The following TMEM50B variants were observed in gnomAD, a reference collection of about 807,000 sequenced individuals.
TMEM50B encodes the protein transmembrane protein 50B, also known as HCV p7-trans-regulated protein 3.
TMEM50B carries 14 observed loss-of-function variants against 23.4 expected under a neutral mutation model. That is an observed-to-expected ratio of 0.60 (90% CI 0.39 to 0.93). The LOEUF (loss-of-function observed/expected upper bound fraction) is 0.93, where lower values mean the gene tolerates loss of function less well. TMEM50B is among the 40% of genes least tolerant of loss of function. TMEM50B has a pLI of 0.00. For missense variants in TMEM50B, 159 were observed against 193.0 expected (o/e 0.82, Z 1.04); for synonymous variants, 64 against 62.3 (o/e 1.03, Z -0.13).
intron 2 of TMEM50B, among the ~76,000 whole-genome samples, chr21:33,467,605 A>C (rs2008437): frequency 0.76 from 115,403 of 151,836 alleles, 44,110 homozygotes; most frequent in Middle Eastern, 0.8. Context: ...GCCTGGACGA[A>C]AGAACGAGAC....
chr21:33,452,761 T>C (rs1398797169), intron 6 of TMEM50B, among the ~76,000 whole-genome samples: 3 of 152,194 alleles, frequency 2.0e-5, no homozygotes, highest in Non-Finnish European at 1.5e-5. Context: ...CAACAAATTG[T>C]ATGCAAAGCA....
In TMEM50B at chr21:33,450,750, A is replaced by T; in HGVS notation, c.*68T>A. 4.0e-6 allele frequency: 5 copies of T among 1,265,346 alleles called. No individual in the cohort carries two copies. Among genetic ancestry groups the T allele is most frequent in the Non-Finnish European group, 5.7e-6 (5 of 877,260 alleles). The allele number at this position is 1,265,346 out of a possible 1,614,324, so 78.4% of individuals were successfully genotyped here. ...CAATCTACTCCATTTGGCAATGTGTACTGAGAGATAAAAAACCTATCTACA... is the reference window on the plus strand; with the variant it reads ...CAATCTACTCCATTTGGCAATGTGTTCTGAGAGATAAAAAACCTATCTACA... On this transcript the variant is annotated 3_prime_UTR_variant, in exon 7 of 7. Transcript: ENST00000542230.
At chr21:33,446,135 A>C (rs2084050706), downstream of TMEM50B, among the ~76,000 whole-genome samples, 2 of 151,902 alleles carry the variant, frequency 1.3e-5, no homozygotes, top group Non-Finnish European at 2.9e-5. Context: ...CCACACCTAA[A>C]CATTTTCCTC....
rs748024045 is a variant in TMEM50B, at chr21:33,467,093, A to G, written c.129T>C (p.Asp43=). The G allele has an allele frequency of 6.2e-7, 1 of 1,614,216 alleles. No individual in the cohort carries two copies. The highest frequency in any genetic ancestry group is 1.1e-5 in the South Asian group (1 of 91,086). The change falls in exon 3 of 7, where the codon GAT becomes GAC. Residue 43 remains aspartate (D), a synonymous_variant. Coordinates refer to ENST00000542230, the MANE Select transcript of TMEM50B (RefSeq NM_006134.7). ...LFFTGWWIMI[D]AAVVYPKPEQ... Reference sequence around the variant, plus strand: ...CTGGCTTAGGATACACCACAGCTGCATCAATCATTATCCACCAGCCTGTAA... The same window carrying G: ...CTGGCTTAGGATACACCACAGCTGCGTCAATCATTATCCACCAGCCTGTAA...
intron 6 of TMEM50B, among the ~76,000 whole-genome samples, chr21:33,451,853 G>C (rs1270284443): frequency 2.0e-5 from 3 of 151,986 alleles, no homozygotes; most frequent in Admixed American, 6.6e-5. Context: ...ACAGCTTTAA[G>C]AGACTTCAAA....
intron 4 of TMEM50B, 91 bp from the exon 5 acceptor site, chr21:33,460,596 G>T: frequency 1.6e-6 from 1 of 631,638 alleles, no homozygotes; most frequent in Admixed American, 3.2e-5. Context: ...TGTTAGCCTA[G>T]TATATATTAT....
At chr21:33,478,865 G>C (rs1336624894) in intron 1 of TMEM50B, 1 of 470,314 alleles carries the variant, frequency 2.1e-6, no homozygotes, top group Non-Finnish European at 4.4e-6. Context: ...CCTCTGAAGT[G>C]TCAAGGGATC....
downstream of TMEM50B, among the ~76,000 whole-genome samples, chr21:33,446,679 CCT>C (rs1568973090): frequency 2.0e-5 from 2 of 102,354 alleles, no homozygotes; most frequent in African/African-American, 3.7e-5. Context: ...AAAAAAAAAA[CCT>C]CTAAGAAAGA....
At chr21:33,440,231 T>G (rs1002309299) in intron 7 of TMEM50B, among the ~76,000 whole-genome samples, 9 of 152,186 alleles carry the variant, frequency 5.9e-5, no homozygotes, top group Non-Finnish European at 1.5e-5. Context: ...AAAAGAAGAA[T>G]ATTTCATCAC....
chr21:33,438,094 G>C (rs2083975124), intron 8 of TMEM50B, among the ~76,000 whole-genome samples: 1 of 151,926 alleles, frequency 6.6e-6, no homozygotes, highest in Non-Finnish European at 1.5e-5. Flanking sequence ...AGAACAGCCT[G>C]GGCAACATAG....
At chr21:33,453,122 G>A (rs1476643599) in intron 6 of TMEM50B, among the ~76,000 whole-genome samples, 2 of 152,144 alleles carry the variant, frequency 1.3e-5, no homozygotes, top group African/African-American at 4.8e-5. Context: ...ATTTTGAGAT[G>A]AAGTCTCGCT....
chr21:33,448,773 G>A (rs540808676), downstream of TMEM50B: 2 of 152,022 alleles, frequency 1.3e-5, no homozygotes, highest in African/African-American at 4.8e-5. Context: ...CAGACATAAT[G>A]ACACGTACCT....
intron 6 of TMEM50B, among the ~76,000 whole-genome samples, chr21:33,454,004 T>C (rs910650658): frequency 6.7e-6 from 1 of 148,520 alleles, no homozygotes; most frequent in South Asian, 2.1e-4. Flanking sequence ...CTTGGGAGGC[T>C]GAGGCACGGA....
chr21:33,439,257 T>G (rs1050042433), exon 8 of TMEM50B: 1 of 152,232 alleles, frequency 6.6e-6, no homozygotes, highest in Non-Finnish European at 1.5e-5. Context: ...CTTCTTCTGT[T>G]GGGCAGCAGG....
At chr21:33,441,842 G>A (rs2084011455) in intron 7 of TMEM50B, among the ~76,000 whole-genome samples, 1 of 152,086 alleles carries the variant, frequency 6.6e-6, no homozygotes, top group Non-Finnish European at 1.5e-5. Context: ...TGTTGCCCAG[G>A]CTGGTCTTGA....
At chr21:33,462,939 C>T (rs942118135) in intron 4 of TMEM50B, among the ~76,000 whole-genome samples, 3 of 152,196 alleles carry the variant, frequency 2.0e-5, no homozygotes, top group Admixed American at 2.0e-4. Context: ...TACCCTCTCG[C>T]AAATTCTCCA....
intron 6 of TMEM50B, among the ~76,000 whole-genome samples, chr21:33,454,069 C>T (rs1450116066): frequency 4.3e-5 from 5 of 117,078 alleles, no homozygotes; most frequent in Non-Finnish European, 6.4e-5. Flanking sequence ...CACCACTGCA[C>T]ATCAGCCTGG....
At chr21:33,478,188 C>G (rs2084391713) in intron 1 of TMEM50B, among the ~76,000 whole-genome samples, 3 of 151,680 alleles carry the variant, frequency 2.0e-5, no homozygotes. Context: ...CTTTAAAAGG[C>G]CAGGCGCGGT....
At chr21:33,459,601 G>A (rs543550455) in intron 5 of TMEM50B, among the ~76,000 whole-genome samples, 2 of 150,722 alleles carry the variant, frequency 1.3e-5, no homozygotes, top group South Asian at 2.1e-4. Context: ...CTGTGAGGCG[G>A]AGGTTGCAGT....
Sources: gnomAD v4.1 joint callset for allele counts (sites outside exome capture counted in the v4.1 genomes callset) on GRCh38, gnomAD v4.1.1 for gene constraint, MANE v1.5 for transcripts, NCBI Gene and HGNC (gene_info 2026-07-23, HGNC 2026-07-21) for gene names.